NRG2: variants seen among roughly 807,000 people sequenced by gnomAD.
NRG2 encodes the protein neuregulin 2, also known as pro-neuregulin-2, membrane-bound isoform.
In NRG2, 27 loss-of-function variants were observed where a neutral mutation model predicts 73.9. That is an observed-to-expected ratio of 0.37 (90% confidence interval 0.27 to 0.50). NRG2 has a LOEUF of 0.50. NRG2 is among the 20% of genes least tolerant of loss of function. NRG2 has a pLI of 0.96. For missense variants in NRG2, 1,126 were observed against 1,210.1 expected, an observed-to-expected ratio of 0.93 and a Z score of 1.03; for synonymous variants, 532 against 541.0, an observed-to-expected ratio of 0.98 and a Z score of 0.23.
chr5:139,991,521 A>G (rs1757630293), intron 1 of NRG2, among the ~76,000 whole-genome samples: 1 of 152,036 alleles, frequency 6.6e-6, no homozygotes, highest in South Asian at 2.1e-4. Flanking sequence ...GTGCAGTGGC[A>G]CCATCTCAGC....
intron 1 of NRG2, among the ~76,000 whole-genome samples, chr5:140,029,461 G>A (rs1760958198): frequency 6.6e-6 from 1 of 152,104 alleles, no homozygotes; most frequent in African/African-American, 2.4e-5. Context: ...CTATAAGGTA[G>A]GTATTACTGT....
chr5:139,884,829 C>T (rs1444293615), intron 2 of NRG2, among the ~76,000 whole-genome samples: 1 of 152,118 alleles, frequency 6.6e-6, no homozygotes, highest in Admixed American at 6.5e-5. Context: ...GCCTGTGGTC[C>T]AGAAAAGGTG....
chr5:139,896,164 T>C (rs1188280010), intron 1 of NRG2, among the ~76,000 whole-genome samples: 2 of 152,152 alleles, frequency 1.3e-5, no homozygotes, highest in African/African-American at 4.8e-5. Flanking sequence ...CATAGGATGA[T>C]CTCAGGGCCT....
At chr5:139,855,044 G>A (rs1227841341) in intron 6 of NRG2, among the ~76,000 whole-genome samples, 2 of 152,078 alleles carry the variant, frequency 1.3e-5, no homozygotes, top group African/African-American at 4.8e-5. Context: ...TAGACTGCCC[G>A]GCTCCCTCTC....
intron 1 of NRG2, among the ~76,000 whole-genome samples, chr5:139,947,492 T>A (rs1014263659): frequency 6.6e-6 from 1 of 152,220 alleles, no homozygotes; most frequent in African/African-American, 2.4e-5. Flanking sequence ...TGATGGCCAT[T>A]TAGGTGGTTT....
chr5:139,938,521 T>G (rs1174357661), intron 1 of NRG2, among the ~76,000 whole-genome samples: 1 of 151,982 alleles, frequency 6.6e-6, no homozygotes, highest in Non-Finnish European at 1.5e-5. Flanking sequence ...CATGCCCCGC[T>G]AATTTTTTTC....
At chr5:140,005,593 C>T (rs951972775) in intron 1 of NRG2, among the ~76,000 whole-genome samples, 1 of 152,206 alleles carries the variant, frequency 6.6e-6, no homozygotes, top group African/African-American at 2.4e-5. Context: ...ACAGAGACAG[C>T]CATGGCAAGA....
At chr5:139,993,891 C>T (rs374554785) in intron 1 of NRG2, among the ~76,000 whole-genome samples, 2 of 152,082 alleles carry the variant, frequency 1.3e-5, no homozygotes, top group Admixed American at 6.5e-5. Flanking sequence ...TATGAAAGGA[C>T]GCAAGCCAAA....
intron 1 of NRG2, among the ~76,000 whole-genome samples, chr5:139,933,031 T>C (rs1195837878): frequency 1.3e-5 from 2 of 152,180 alleles, no homozygotes; most frequent in African/African-American, 4.8e-5. Flanking sequence ...GCCCAGCACT[T>C]TGGGAGGCCA....
intron 1 of NRG2, among the ~76,000 whole-genome samples, chr5:139,939,294 T>A (rs889592835): frequency 2.6e-5 from 4 of 151,670 alleles, no homozygotes; most frequent in African/African-American, 9.7e-5. Context: ...TTTCTTTTTT[T>A]AAATGGAGTC....
chr5:139,987,171 A>C (rs1354375035), intron 1 of NRG2, among the ~76,000 whole-genome samples: 1 of 151,796 alleles, frequency 6.6e-6, no homozygotes, highest in Admixed American at 6.6e-5. Flanking sequence ...CAGGAGTTCA[A>C]GGCCAGCCTG....
rs1217829157 is a variant in NRG2 at position 139,848,657 on chromosome 5, C to T, written c.1813G>A (p.Val605Met). ...ALTTPARLSPVDFHYSLATQV... is the reference protein window; with the variant it reads ...ALTTPARLSPMDFHYSLATQV... Reference sequence around the variant, plus strand: ...GTGGCCAGCGAGTAGTGGAAGTCCACGGGCGAGAGGCGCGCGGGCGTGGTC... The same window carrying T: ...GTGGCCAGCGAGTAGTGGAAGTCCATGGGCGAGAGGCGCGCGGGCGTGGTC... The change falls in exon 10 of 10, where the codon GTG becomes ATG. Residue 605 changes from valine (V) to methionine (M), a missense_variant. Physicochemically the swap from Val to Met is conservative, Grantham distance 21. Around this residue, in one of 3 missense-constraint regions of NRG2, gnomAD observed 539 missense variants for 703.2 expected, o/e 0.77. Transcript: ENST00000361474. 20 of 1,570,414 alleles carry T rather than the reference C, an allele frequency of 1.3e-5. No individual in the cohort carries two copies. The highest frequency in any genetic ancestry group is 1.5e-5 in the Non-Finnish European group (17 of 1,167,780).
intron 1 of NRG2, among the ~76,000 whole-genome samples, chr5:139,888,650 T>C (rs1401049964): frequency 2.6e-5 from 4 of 152,252 alleles, no homozygotes; most frequent in South Asian, 2.1e-4. Flanking sequence ...GGTCCCCTCA[T>C]TGAACTTCAC....
At chr5:140,012,542 T>C (rs1759444800) in intron 1 of NRG2, among the ~76,000 whole-genome samples, 2 of 152,216 alleles carry the variant, frequency 1.3e-5, no homozygotes, top group South Asian at 4.1e-4. Context: ...CTCATGCTCA[T>C]TCATACTTGA....
intron 1 of NRG2, among the ~76,000 whole-genome samples, chr5:139,995,399 A>G (rs1023444776): frequency 1.3e-5 from 2 of 152,180 alleles, no homozygotes; most frequent in African/African-American, 4.8e-5. Context: ...AATGCAAAGT[A>G]TGAAGAAAGT....
chr5:139,878,357 C>T (rs955485574), intron 3 of NRG2, among the ~76,000 whole-genome samples: 2 of 152,216 alleles, frequency 1.3e-5, no homozygotes, highest in Non-Finnish European at 2.9e-5. Flanking sequence ...ATCCTTGTGA[C>T]TGTACTTATG....
At chr5:139,863,571 C>G (rs561566983) in intron 5 of NRG2, among the ~76,000 whole-genome samples, 2 of 152,330 alleles carry the variant, frequency 1.3e-5, no homozygotes, top group Admixed American at 1.3e-4. Flanking sequence ...CAGGCTGGGA[C>G]TCGCCATCCA....
intron 1 of NRG2, among the ~76,000 whole-genome samples, chr5:140,031,751 C>T (rs148004401): frequency 7.0e-4 from 106 of 152,270 alleles, no homozygotes; most frequent in Non-Finnish European, 1.2e-3. Context: ...CGGCAAGGTG[C>T]TGTATTAAGA....
intron 1 of NRG2, among the ~76,000 whole-genome samples, chr5:139,962,342 A>C (rs758658593): frequency 6.6e-6 from 1 of 152,234 alleles, no homozygotes; most frequent in Non-Finnish European, 1.5e-5. Context: ...ACAAACCTCC[A>C]GTGGGAGAAG....
Sources: gnomAD v4.1 joint callset for allele counts (sites outside exome capture counted in the v4.1 genomes callset) on GRCh38, gnomAD v4.1.1 for gene constraint, gnomAD v4.1.1 regional missense constraint, MANE v1.5 for transcripts, NCBI Gene and HGNC (gene_info 2026-07-23, HGNC 2026-07-21) for gene names.